ODAD4: variants seen among roughly 807,000 people sequenced by gnomAD.
ODAD4 encodes the protein outer dynein arm-docking complex subunit 4.
In ODAD4, 49 loss-of-function variants were observed where a neutral mutation model predicts 51.8. That is an observed-to-expected ratio of 0.95 (90% CI 0.75 to 1.20). The LOEUF (loss-of-function observed/expected upper bound fraction) is 1.20. ODAD4 is among the 50% of genes most tolerant of loss of function. The probability of loss-of-function intolerance (pLI) is 0.00; values close to 1 mark genes in which losing one functional copy is unlikely to be tolerated. For missense variants in ODAD4, 590 were observed against 586.5 expected (o/e 1.01, Z -0.06); for synonymous variants, 235 against 221.3 (o/e 1.06, Z -0.55).
Position 41,936,616 on chromosome 17 carries a change from G to A in ODAD4, c.459+82G>A, listed in dbSNP as rs192983844. 1.2e-4 allele frequency: 185 copies of A among 1,517,816 alleles called. No homozygotes were observed. In the African/African-American group the frequency reaches 2.0e-3, roughly 16 times the overall value. 94.0% of individuals were successfully genotyped at this position (1,517,816 alleles called of 1,614,324 possible). On this transcript the variant is annotated intron_variant, in intron 4 of 11. Coordinates refer to ENST00000377540, the MANE Select transcript of ODAD4 (RefSeq NM_031421.5). ...GAGAAGGGGTCTTGGGAGTCTAGCT[G>A]CAACCTGACCAGGCATACTCCGTGA...
chr17:41,930,763 C>T lies in ODAD4; in HGVS notation c.40C>T (p.Pro14Ser), dbSNP rs2050316065. 3.1e-6 allele frequency: 5 copies of T among 1,611,304 alleles called. No homozygotes were observed. The highest frequency in any genetic ancestry group is 4.2e-6 in the Non-Finnish European group (5 of 1,178,650). ...PEGETLRSTF[P>S]SYMAEGERLY... ...AGGCGAGACCTTGCGAAGCACCTTT[C>T]CCTCTTATATGGCCGAAGGCGAGCG... Residue 14 changes from proline (P) to serine (S), a missense_variant, in exon 1 of 12, where the codon CCC becomes TCC. Pro to Ser is a moderately conservative substitution (Grantham distance 74). Transcript: ENST00000377540.
intron 9 of ODAD4, among the ~76,000 whole-genome samples, chr17:41,952,365 C>CAAAA (rs140105127): frequency 1.1e-5 from 1 of 87,198 alleles, no homozygotes; most frequent in East Asian, 3.2e-4. Context: ...GACTCTGTAT[C>CAAAA]AAAAAAAAAA....
chr17:41,944,916 C>G (rs1469322534), intron 7 of ODAD4, among the ~76,000 whole-genome samples: 1 of 152,154 alleles, frequency 6.6e-6, no homozygotes, highest in Non-Finnish European at 1.5e-5. Flanking sequence ...GACATCTTTG[C>G]AAGCTGTTGA....
intron 1 of ODAD4, among the ~76,000 whole-genome samples, chr17:41,933,652 CA>C (rs1184625891): frequency 6.8e-4 from 93 of 137,146 alleles, no homozygotes; most frequent in Admixed American, 1.1e-3. Flanking sequence ...AACGCCATCT[CA>C]AAAAAAAAAA....
chr17:41,942,780 G>A (rs2050524254), intron 7 of ODAD4, among the ~76,000 whole-genome samples: 1 of 152,242 alleles, frequency 6.6e-6, no homozygotes, highest in African/African-American at 2.4e-5. Context: ...CCTGCAGGCA[G>A]TGGGAGGTCT....
intron 7 of ODAD4, among the ~76,000 whole-genome samples, chr17:41,939,813 G>C (rs1371171418): frequency 6.6e-6 from 1 of 152,104 alleles, no homozygotes; most frequent in Non-Finnish European, 1.5e-5. Context: ...TCAAGAGCAC[G>C]GGCTGTGGAG....
chr17:41,961,514 C>T (rs782156293), intron 11 of ODAD4, 48 bp downstream of exon 11: 2 of 717,050 alleles, frequency 2.8e-6, no homozygotes, highest in African/African-American at 1.7e-5. Flanking sequence ...TCTCCCTCTG[C>T]TTTCTTTTCC....
At chr17:41,958,316 C>G (rs1174763217) in intron 10 of ODAD4, among the ~76,000 whole-genome samples, 3 of 152,112 alleles carry the variant, frequency 2.0e-5, no homozygotes, top group Admixed American at 6.5e-5. Flanking sequence ...TTGTAATTGC[C>G]TAGACTTCCA....
chr17:41,963,354 A>C (rs2050830752), intron 11 of ODAD4, among the ~76,000 whole-genome samples: 1 of 152,108 alleles, frequency 6.6e-6, no homozygotes, highest in South Asian at 2.1e-4. Flanking sequence ...ATAACTCTTC[A>C]GCTGAACTTT....
At chr17:41,943,223 T>A (rs981746712) in intron 7 of ODAD4, among the ~76,000 whole-genome samples, 2 of 152,232 alleles carry the variant, frequency 1.3e-5, no homozygotes, top group Non-Finnish European at 2.9e-5. Flanking sequence ...CAGGATTTTT[T>A]AAAACCAAAG....
intron 11 of ODAD4, among the ~76,000 whole-genome samples, chr17:41,962,165 G>T (rs369614639): frequency 6.6e-6 from 1 of 152,120 alleles, no homozygotes; most frequent in African/African-American, 2.4e-5. Flanking sequence ...GGAGGTGTAG[G>T]TGCTGTGGGG....
intron 5 of ODAD4, 72 bp from the exon 6 acceptor site, chr17:41,938,485 C>A: frequency 1.5e-6 from 2 of 1,309,382 alleles, no homozygotes; most frequent in Non-Finnish European, 2.1e-6. Flanking sequence ...CAGCGGCCAC[C>A]GGGAGGAAAC....
chr17:41,952,353 G>A (rs139594980), intron 9 of ODAD4, among the ~76,000 whole-genome samples: 2 of 129,926 alleles, frequency 1.5e-5, no homozygotes, highest in African/African-American at 5.6e-5. Flanking sequence ...AGGCGACTAT[G>A]AGACTCTGTA....
chr17:41,963,482 G>C (rs1345254043), intron 11 of ODAD4, among the ~76,000 whole-genome samples: 1 of 152,168 alleles, frequency 6.6e-6, no homozygotes, highest in Admixed American at 6.5e-5. Flanking sequence ...AAGAGAAAGT[G>C]TCAGAATGAA....
chr17:41,941,625 CGTAGTGTTAGCCGGGT>C (rs2050507556), intron 7 of ODAD4, among the ~76,000 whole-genome samples: 1 of 151,918 alleles, frequency 6.6e-6, no homozygotes, highest in Non-Finnish European at 1.5e-5. Context: ...ATTAGCCGGG[CGTAGTGTTAGCCGGGT>C]GTGGTGGTGT....
intron 11 of ODAD4, among the ~76,000 whole-genome samples, chr17:41,962,603 A>G (rs1271997816): frequency 2.6e-5 from 4 of 152,220 alleles, no homozygotes; most frequent in South Asian, 2.1e-4. Flanking sequence ...CAGGAACACT[A>G]TGAAGGAAGT....
rs1284181017 is a variant in ODAD4, at chr17:41,966,171, T to G, written c.*688T>G. Among the ~76,000 whole-genome samples the G allele has an allele frequency of 6.6e-6, 1 of 152,132 alleles. No individual in the cohort carries two copies. The highest frequency in any genetic ancestry group is 6.5e-5 in the Admixed American group (1 of 15,270). ...CTCAAAAATCCAACGGAGCTCTCAG[T>G]GGTTTCACAGAGGAGGTGGCAGCTG... On this transcript the variant is annotated 3_prime_UTR_variant, in exon 12 of 12. Coordinates refer to ENST00000377540, the MANE Select transcript of ODAD4 (RefSeq NM_031421.5).
intron 9 of ODAD4, among the ~76,000 whole-genome samples, chr17:41,949,717 G>A (rs1186684184): frequency 2.0e-5 from 3 of 152,120 alleles, no homozygotes; most frequent in Admixed American, 6.5e-5. Context: ...TTGTTGCCCA[G>A]GCTGGAGTGC....
At chr17:41,939,233 T>G (rs1465192914) in intron 7 of ODAD4, 61 bp downstream of exon 7, 3 of 1,479,638 alleles carry the variant, frequency 2.0e-6, no homozygotes, top group Non-Finnish European at 2.7e-6. Context: ...TGGGGCTATC[T>G]GAGGCCCTTG....
Sources: gnomAD v4.1 joint callset for allele counts (sites outside exome capture counted in the v4.1 genomes callset) on GRCh38, gnomAD v4.1.1 for gene constraint, MANE v1.5 for transcripts, NCBI Gene and HGNC (gene_info 2026-07-23, HGNC 2026-07-21) for gene names.